DKK2: variants seen among roughly 807,000 people sequenced by gnomAD.
DKK2 encodes dickkopf Wnt signaling pathway inhibitor 2.
A neutral mutation model predicts 28.1 loss-of-function variants in DKK2; 11 were observed. The observed-to-expected ratio is 0.39, with a 90% CI of 0.25 to 0.65. DKK2 has a LOEUF of 0.65. DKK2 is among the 30% of genes least tolerant of loss of function. DKK2 has a pLI of 0.47. For synonymous variants in DKK2, 135 were observed against 126.5 expected, an observed-to-expected ratio of 1.07 and a Z score of -0.45; for missense variants, 326 against 335.5, an observed-to-expected ratio of 0.97 and a Z score of 0.22.
intron 1 of DKK2, among the ~76,000 whole-genome samples, chr4:106,955,743 C>T (rs1560579371): frequency 1.3e-5 from 2 of 151,962 alleles, no homozygotes; most frequent in Admixed American, 1.3e-4. Flanking sequence ...ATAAAAAAAC[C>T]ATATCTTGGT....
intron 1 of DKK2, among the ~76,000 whole-genome samples, chr4:107,022,433 T>C (rs1723711096): frequency 6.6e-6 from 1 of 152,118 alleles, no homozygotes; most frequent in African/African-American, 2.4e-5. Flanking sequence ...CCAACTTACA[T>C]GAGATAGCCT....
intron 1 of DKK2, among the ~76,000 whole-genome samples, chr4:106,926,785 A>T (rs1724431652): frequency 6.6e-6 from 1 of 152,182 alleles, no homozygotes; most frequent in Non-Finnish European, 1.5e-5. Context: ...AAAAAAAAAT[A>T]CATGTGAAAT....
rs554324982 is a variant in DKK2 at position 106,985,638 on chromosome 4, G to T, written c.222+49732C>A. Among the ~76,000 whole-genome samples, 236 of 151,320 alleles carry T rather than the reference G, an allele frequency of 1.6e-3. 3 individuals are homozygous for T. The Middle Eastern group carries it at 0.024, about 15-fold the overall frequency. ...ATCCTGGCCAACATGGTGAGACCTC[G>T]TTTCTACTAAAAATACAAAAATTAG... On this transcript the variant is annotated intron_variant, in intron 1 of 3. Coordinates refer to ENST00000285311, the MANE Select transcript of DKK2 (RefSeq NM_014421.3).
chr4:106,990,142 C>T (rs982847234), intron 1 of DKK2, among the ~76,000 whole-genome samples: 5 of 152,072 alleles, frequency 3.3e-5, no homozygotes, highest in African/African-American at 9.7e-5. Context: ...ATATTTTGCA[C>T]TATATATTTT....
chr4:106,976,019 G>T (rs998293893), intron 1 of DKK2, among the ~76,000 whole-genome samples: 22 of 152,154 alleles, frequency 1.4e-4, no homozygotes, highest in Non-Finnish European at 2.9e-4. Context: ...TTCAGGAGCA[G>T]GTTGTTCAGT....
chr4:106,981,044 G>A (rs531275538), intron 1 of DKK2, among the ~76,000 whole-genome samples: 2 of 151,994 alleles, frequency 1.3e-5, no homozygotes, highest in South Asian at 4.2e-4. Flanking sequence ...AAAAGTAACT[G>A]GAATTTGCTG....
chr4:106,988,358 T>TGGTC (rs1723155540), intron 1 of DKK2, among the ~76,000 whole-genome samples: 1 of 152,218 alleles, frequency 6.6e-6, no homozygotes, highest in African/African-American at 2.4e-5. Flanking sequence ...AACATCTAGG[T>TGGTC]GGTCACACAA....
At chr4:106,937,121 A>C (rs1454549246) in intron 1 of DKK2, among the ~76,000 whole-genome samples, 3 of 151,342 alleles carry the variant, frequency 2.0e-5, no homozygotes. Context: ...TAACAATATT[A>C]ACTTTAAATG....
chr4:106,950,505 T>C (rs909526368), intron 1 of DKK2, among the ~76,000 whole-genome samples: 3 of 142,558 alleles, frequency 2.1e-5, no homozygotes, highest in African/African-American at 8.1e-5. Flanking sequence ...GAAAACTATC[T>C]ACTGGTTTTG....
intron 1 of DKK2, among the ~76,000 whole-genome samples, chr4:106,955,140 C>A (rs1722571065): frequency 6.6e-6 from 1 of 152,078 alleles, no homozygotes; most frequent in Non-Finnish European, 1.5e-5. Flanking sequence ...TGTTAATTAT[C>A]TTAAAAATAA....
intron 1 of DKK2, among the ~76,000 whole-genome samples, chr4:107,027,753 A>T (rs930767316): frequency 1.6e-5 from 2 of 126,438 alleles, no homozygotes; most frequent in Non-Finnish European, 3.4e-5. Flanking sequence ...TCCACCTATT[A>T]TGATTTTTTT....
intron 1 of DKK2, among the ~76,000 whole-genome samples, chr4:106,948,649 T>C (rs892875138): frequency 6.6e-6 from 1 of 152,188 alleles, no homozygotes; most frequent in Non-Finnish European, 1.5e-5. Context: ...TCTCTTATAG[T>C]ACATCTGAGG....
At position 107,002,061 on chromosome 4, in the gene DKK2, G is replaced by C. The variant is rs1398663025; in HGVS notation, c.222+33309C>G. Among the ~76,000 whole-genome samples, 3 of 152,126 alleles carry C rather than the reference G, an allele frequency of 2.0e-5. No individual in the cohort carries two copies. The South Asian group carries it at 6.2e-4, about 32-fold the overall frequency. ...AAGTCAAATGTTCCATTTTATGAAA[G>C]TCTTACTCAAACTTAATTTTTTGCA... On this transcript the variant is annotated intron_variant, in intron 1 of 3. Transcript: ENST00000285311.
chr4:107,009,988 T>C (rs1723494060), intron 1 of DKK2, among the ~76,000 whole-genome samples: 2 of 151,740 alleles, frequency 1.3e-5, no homozygotes, highest in East Asian at 1.9e-4. Flanking sequence ...CAAAAGAATT[T>C]ATTTTCCTCT....
At chr4:106,981,303 T>A (rs753616737) in intron 1 of DKK2, among the ~76,000 whole-genome samples, 1 of 152,200 alleles carries the variant, frequency 6.6e-6, no homozygotes, top group Non-Finnish European at 1.5e-5. Flanking sequence ...TAGCCTTTAA[T>A]TGGGAAAATA....
intron 1 of DKK2, among the ~76,000 whole-genome samples, chr4:106,969,966 G>A (rs1317529316): frequency 6.6e-6 from 1 of 152,006 alleles, no homozygotes; most frequent in African/African-American, 2.4e-5. Flanking sequence ...CAGTTTCAGG[G>A]ATATTATGAG....
chr4:107,033,988 T>G (rs1204849775), intron 1 of DKK2, among the ~76,000 whole-genome samples: 1 of 152,062 alleles, frequency 6.6e-6, no homozygotes, highest in Non-Finnish European at 1.5e-5. Context: ...TCCTGAGACC[T>G]TAAAAAAAAT....
At chr4:107,028,400 T>C (rs1319569249) in intron 1 of DKK2, among the ~76,000 whole-genome samples, 2 of 152,230 alleles carry the variant, frequency 1.3e-5, no homozygotes, top group African/African-American at 2.4e-5. Context: ...GTAATGGCAG[T>C]GGTAATGATG....
chr4:106,999,427 AC>A (rs1723325017), intron 1 of DKK2, among the ~76,000 whole-genome samples: 1 of 152,102 alleles, frequency 6.6e-6, no homozygotes, highest in Non-Finnish European at 1.5e-5. Flanking sequence ...GCTCACTGCA[AC>A]CTCCGCCTCC....
Sources: gnomAD v4.1 joint callset for allele counts (sites outside exome capture counted in the v4.1 genomes callset) on GRCh38, gnomAD v4.1.1 for gene constraint, MANE v1.5 for transcripts, NCBI Gene and HGNC (gene_info 2026-07-23, HGNC 2026-07-21) for gene names.